Variants in CTNNA3 observed in about 807,000 individuals in gnomAD.
CTNNA3 encodes catenin alpha-3.
Under a neutral mutation model 95.7 loss-of-function variants are expected in CTNNA3, and 76 were observed. The observed-to-expected ratio is 0.79, with a 90% CI of 0.66 to 0.96. The LOEUF is 0.96. Among genes scored for constraint, CTNNA3 ranks in the 40% least tolerant of loss-of-function variants. CTNNA3 has a pLI of 0.00. For missense variants in CTNNA3, 1,191 were observed against 1,089.8 expected, an observed-to-expected ratio of 1.09 and a Z score of -1.31; for synonymous variants, 431 against 374.4, an observed-to-expected ratio of 1.15 and a Z score of -1.74.
At chr10:66,608,649 T>C (rs1425161845) in intron 10 of CTNNA3, among the ~76,000 whole-genome samples, 1 of 152,024 alleles carries the variant, frequency 6.6e-6, no homozygotes. Context: ...TGCAACCATC[T>C]GATCTTCAAA....
At chr10:66,473,346 C>T (rs554023104) in intron 11 of CTNNA3, among the ~76,000 whole-genome samples, 48 of 151,884 alleles carry the variant, frequency 3.2e-4, no homozygotes, top group African/African-American at 1.1e-3. Context: ...ATAAGAGGTT[C>T]TTCCTGCCTT....
rs561823937 is a variant in CTNNA3 at position 65,915,097 on chromosome 10, C to A, written c.*5233G>T. 2 of 152,000 alleles carry A rather than the reference C, an allele frequency of 1.3e-5. No individual in the cohort carries two copies. The highest frequency in any genetic ancestry group is 4.8e-5 in the African/African-American group (2 of 41,392). 9.4% of individuals were successfully genotyped at this position (152,000 alleles called of 1,614,324 possible). A position where few individuals can be genotyped will look rare whatever the true frequency, so the allele number is the denominator to read the frequency against. On this transcript the variant is annotated 3_prime_UTR_variant, in exon 18 of 18. Coordinates refer to ENST00000433211, the MANE Select transcript of CTNNA3 (RefSeq NM_013266.4). The stretch of plus-strand genomic sequence containing the variant: ...TTGTTATATGGTGTATCCTAAGAAC[C>A]TAGAACAGTGCCTGGAACATCACAG...
intron 16 of CTNNA3, among the ~76,000 whole-genome samples, chr10:65,972,446 T>C (rs2078123874): frequency 1.3e-5 from 2 of 152,156 alleles, no homozygotes; most frequent in South Asian, 4.1e-4. Flanking sequence ...CATAAAATAC[T>C]TTACTAAAAG....
intron 17 of CTNNA3, 41 bp downstream of exon 17, chr10:65,966,571 A>T (rs139594183): frequency 1.3e-6 from 2 of 1,550,520 alleles, no homozygotes; most frequent in Non-Finnish European, 1.8e-6. Context: ...TGTTTCAAGC[A>T]TCTTCCACCT....
intron 7 of CTNNA3, among the ~76,000 whole-genome samples, chr10:67,028,368 A>G (rs1228404813): frequency 6.6e-6 from 1 of 152,112 alleles, no homozygotes; most frequent in Admixed American, 6.5e-5. Flanking sequence ...GAGAGTACCT[A>G]TCATCCACAG....
At chr10:67,025,792 T>A (rs1392226564) in intron 7 of CTNNA3, among the ~76,000 whole-genome samples, 3 of 151,928 alleles carry the variant, frequency 2.0e-5, no homozygotes, top group Non-Finnish European at 2.9e-5. Context: ...ATGATCGCTA[T>A]AAAGACACAT....
intron 7 of CTNNA3, among the ~76,000 whole-genome samples, chr10:67,109,428 A>C (rs902402157): frequency 2.0e-5 from 3 of 152,184 alleles, no homozygotes; most frequent in Admixed American, 1.3e-4. Flanking sequence ...TCCAATGTTT[A>C]TTTTGTGCTT....
At chr10:66,868,213 C>T (rs1043290646) in intron 7 of CTNNA3, among the ~76,000 whole-genome samples, 13 of 149,242 alleles carry the variant, frequency 8.7e-5, no homozygotes, top group South Asian at 2.1e-4. Context: ...AAAACATAGC[C>T]GGGCATGGGG....
chr10:67,720,948 C>T (rs76942569), intron 1 of CTNNA3, among the ~76,000 whole-genome samples: 1 of 151,712 alleles, frequency 6.6e-6, no homozygotes, highest in Non-Finnish European at 1.5e-5. Context: ...AGTGAGACTC[C>T]GTCTCAGAAA....
intron 11 of CTNNA3, among the ~76,000 whole-genome samples, chr10:66,481,965 A>G (rs1371831119): frequency 6.6e-6 from 1 of 152,008 alleles, no homozygotes; most frequent in Non-Finnish European, 1.5e-5. Flanking sequence ...AAAGAAAAAA[A>G]AAGAGAGACA....
chr10:67,597,027 T>G (rs1464165077), intron 3 of CTNNA3, among the ~76,000 whole-genome samples: 1 of 152,220 alleles, frequency 6.6e-6, no homozygotes, highest in Non-Finnish European at 1.5e-5. Flanking sequence ...AGCTCTGAGA[T>G]TCCTTCCTCA....
At chr10:67,201,389 A>G (rs929155698) in intron 6 of CTNNA3, among the ~76,000 whole-genome samples, 41 of 152,150 alleles carry the variant, frequency 2.7e-4, no homozygotes, top group Admixed American at 6.6e-4. Context: ...ACATATGCCA[A>G]TTGATTGGCT....
At chr10:66,293,116 A>G (rs963167459) in intron 12 of CTNNA3, among the ~76,000 whole-genome samples, 1 of 152,216 alleles carries the variant, frequency 6.6e-6, no homozygotes, top group Non-Finnish European at 1.5e-5. Context: ...AAAACTGCAT[A>G]GCTAGCAAAA....
chr10:67,031,845 A>G (rs1178794554), intron 7 of CTNNA3, among the ~76,000 whole-genome samples: 1 of 152,208 alleles, frequency 6.6e-6, no homozygotes, highest in African/African-American at 2.4e-5. Flanking sequence ...ATCAGAGGTC[A>G]TTTTGAGCAG....
intron 7 of CTNNA3, among the ~76,000 whole-genome samples, chr10:67,140,306 A>C (rs1226522809): frequency 6.6e-6 from 1 of 152,136 alleles, no homozygotes; most frequent in Non-Finnish European, 1.5e-5. Flanking sequence ...AACATATTTA[A>C]AGATTTAAAT....
At chr10:67,268,356 A>AATTAG (rs1051013474) in intron 5 of CTNNA3, among the ~76,000 whole-genome samples, 2 of 144,044 alleles carry the variant, frequency 1.4e-5, no homozygotes, top group African/African-American at 5.6e-5. Context: ...AATTAAATTA[A>AATTAG]ATAAATAAAT....
intron 7 of CTNNA3, among the ~76,000 whole-genome samples, chr10:67,148,273 C>T (rs1039690323): frequency 3.9e-5 from 6 of 152,144 alleles, no homozygotes; most frequent in African/African-American, 1.2e-4. Flanking sequence ...CCAAATCCAG[C>T]CTTAGGAAAA....
At chr10:66,891,831 G>A (rs1369628863) in intron 7 of CTNNA3, among the ~76,000 whole-genome samples, 1 of 152,082 alleles carries the variant, frequency 6.6e-6, no homozygotes, top group Non-Finnish European at 1.5e-5. Flanking sequence ...TACCATTCCT[G>A]TCTGGGCTAG....
chr10:66,377,305 G>C (rs1422176691), intron 12 of CTNNA3, among the ~76,000 whole-genome samples: 2 of 151,908 alleles, frequency 1.3e-5, no homozygotes, highest in Non-Finnish European at 2.9e-5. Flanking sequence ...AATTTATCTA[G>C]AGAATTTTAA....
Sources: allele counts gnomAD v4.1 joint callset (sites outside exome capture counted in the v4.1 genomes callset), GRCh38; gene constraint gnomAD v4.1.1; transcripts MANE v1.5; gene names NCBI Gene and HGNC (gene_info 2026-07-23, HGNC 2026-07-21).